Variants in EEPD1 observed in about 807,000 individuals in gnomAD.
EEPD1 encodes the protein endonuclease/exonuclease/phosphatase family domain-containing protein 1.
In EEPD1, 17 loss-of-function variants were observed where a neutral mutation model predicts 46.3. The ratio of observed to expected loss-of-function variants is 0.37; its 90% confidence interval spans 0.25 to 0.55. The LOEUF is 0.55. Ranked by LOEUF, EEPD1 falls within the 20% of genes least tolerant of loss-of-function variation. EEPD1 has a pLI of 0.83. For synonymous variants in EEPD1, 313 were observed against 315.6 expected (o/e 0.99, Z 0.09); for missense variants, 673 against 745.6 (o/e 0.90, Z 1.13).
chr7:36,287,665 T>A lies in EEPD1; in HGVS notation c.1203T>A (p.Val401=). The change falls in exon 6 of 8, where the codon GTT becomes GTA. Residue 401 remains valine (V), a synonymous_variant. Coordinates refer to ENST00000242108, the MANE Select transcript of EEPD1 (RefSeq NM_030636.3). Reference sequence around the variant, plus strand: ...TGGGAAGTCACGACCTGACCCTTGTTAACCTTCACCTGGCAGCCCTGACCC... The same window carrying A: ...TGGGAAGTCACGACCTGACCCTTGTAAACCTTCACCTGGCAGCCCTGACCC... ...FKVGSHDLTL[V]NLHLAALTLL... 6.2e-7 allele frequency: 1 copy of A among 1,614,114 alleles called. No homozygotes were observed. Among genetic ancestry groups the A allele is most frequent in the Non-Finnish European group, 8.5e-7 (1 of 1,179,982 alleles).
At chr7:36,183,984 A>C (rs1298644832) in intron 2 of EEPD1, among the ~76,000 whole-genome samples, 5 of 151,952 alleles carry the variant, frequency 3.3e-5, no homozygotes, top group African/African-American at 9.7e-5. Context: ...AAAGGAGCAA[A>C]CTTTGTATCT....
intron 2 of EEPD1, among the ~76,000 whole-genome samples, chr7:36,237,758 C>A (rs1018508460): frequency 1.3e-5 from 2 of 152,110 alleles, no homozygotes; most frequent in Non-Finnish European, 2.9e-5. Flanking sequence ...CAAGACCCGC[C>A]TGGCCAACAT....
intron 2 of EEPD1, among the ~76,000 whole-genome samples, chr7:36,191,054 T>C (rs1332907413): frequency 6.6e-6 from 1 of 152,250 alleles, no homozygotes; most frequent in Non-Finnish European, 1.5e-5. Flanking sequence ...GAACTTTTAT[T>C]TGCTCATTTG....
chr7:36,239,230 A>T (rs1044561492), intron 3 of EEPD1, among the ~76,000 whole-genome samples, 194 bp downstream of exon 3: 1 of 151,838 alleles, frequency 6.6e-6, no homozygotes, highest in Non-Finnish European at 1.5e-5. Flanking sequence ...ACACCTACAA[A>T]CTCGGCTGTA....
intron 2 of EEPD1, among the ~76,000 whole-genome samples, chr7:36,162,241 C>T (rs1038124691): frequency 6.6e-6 from 1 of 152,230 alleles, no homozygotes; most frequent in Non-Finnish European, 1.5e-5. Context: ...TGATTGACAG[C>T]AGCCAAATTG....
intron 3 of EEPD1, among the ~76,000 whole-genome samples, chr7:36,243,894 T>G: frequency 2.3e-5 from 3 of 129,580 alleles, no homozygotes; most frequent in Non-Finnish European, 3.3e-5. Flanking sequence ...CTGGGGACTG[T>G]TGTGGGGTAG....
At chr7:36,237,298 C>G (rs1378179631) in intron 2 of EEPD1, among the ~76,000 whole-genome samples, 1 of 152,214 alleles carries the variant, frequency 6.6e-6, no homozygotes, top group African/African-American at 2.4e-5. Flanking sequence ...TTCTTGAAGT[C>G]AGCAAGACCA....
chr7:36,215,234 G>T (rs143923969), intron 2 of EEPD1, among the ~76,000 whole-genome samples: 1 of 152,168 alleles, frequency 6.6e-6, no homozygotes, highest in Non-Finnish European at 1.5e-5. Flanking sequence ...TCTGCACCCC[G>T]CAGCGCTGCA....
intron 3 of EEPD1, among the ~76,000 whole-genome samples, chr7:36,249,336 C>A (rs951016060): frequency 1.2e-4 from 19 of 152,170 alleles, no homozygotes; most frequent in African/African-American, 4.6e-4. Flanking sequence ...TGGTGCTGGC[C>A]TTTTCCAAGT....
chr7:36,166,216 T>C (rs1013889278), intron 2 of EEPD1, among the ~76,000 whole-genome samples: 1 of 152,234 alleles, frequency 6.6e-6, no homozygotes, highest in African/African-American at 2.4e-5. Context: ...GCAAGACTGT[T>C]TGGAGTTGAT....
intron 3 of EEPD1, among the ~76,000 whole-genome samples, chr7:36,248,732 C>T (rs1342153794): frequency 1.3e-5 from 2 of 151,764 alleles, no homozygotes; most frequent in African/African-American, 4.8e-5. Context: ...CATGAGTAAA[C>T]TCATTGTAAT....
intron 2 of EEPD1, among the ~76,000 whole-genome samples, chr7:36,177,855 G>A (rs528253865): frequency 3.9e-5 from 6 of 152,098 alleles, no homozygotes; most frequent in Non-Finnish European, 5.9e-5. Flanking sequence ...CTAGGATTAC[G>A]GGTGCGCACC....
chr7:36,227,453 C>T (rs571189160), intron 2 of EEPD1, among the ~76,000 whole-genome samples: 3 of 152,312 alleles, frequency 2.0e-5, no homozygotes, highest in East Asian at 3.9e-4. Flanking sequence ...AAAGCAGCTC[C>T]TTCTCCAGAG....
chr7:36,279,089 C>T (rs196585), intron 3 of EEPD1, among the ~76,000 whole-genome samples: 18,766 of 79,006 alleles, frequency 0.24, 1,591 homozygotes, highest in Non-Finnish European at 0.34. Context: ...CCCACCACCC[C>T]GACTCCCCCG....
At chr7:36,240,641 T>C (rs1294669699) in intron 3 of EEPD1, among the ~76,000 whole-genome samples, 2 of 152,264 alleles carry the variant, frequency 1.3e-5, no homozygotes, top group East Asian at 1.9e-4. Context: ...TGGATGTGGA[T>C]AGTAAATGAG....
intron 6 of EEPD1, among the ~76,000 whole-genome samples, chr7:36,295,532 G>A (rs1030697619): frequency 6.6e-6 from 1 of 151,618 alleles, no homozygotes; most frequent in African/African-American, 2.4e-5. Context: ...CCTAAAGGAG[G>A]GGGAGCACAA....
chr7:36,173,278 G>C (rs1383654265), intron 2 of EEPD1, among the ~76,000 whole-genome samples: 1 of 147,614 alleles, frequency 6.8e-6, no homozygotes, highest in Non-Finnish European at 1.5e-5. Context: ...CACGAGGTCA[G>C]GAGATTGAGA....
At chr7:36,280,174 G>A (rs1787238032) in intron 3 of EEPD1, among the ~76,000 whole-genome samples, 1 of 152,170 alleles carries the variant, frequency 6.6e-6, no homozygotes, top group Non-Finnish European at 1.5e-5. Context: ...CCTCCAGGTG[G>A]AGATGCTAAG....
intron 2 of EEPD1, among the ~76,000 whole-genome samples, chr7:36,180,764 G>A (rs986673686): frequency 6.6e-6 from 1 of 152,108 alleles, no homozygotes; most frequent in African/African-American, 2.4e-5. Context: ...CTCCTTCCCT[G>A]CTCTGTGCCC....
Sources: gnomAD v4.1 joint callset for allele counts (sites outside exome capture counted in the v4.1 genomes callset) on GRCh38, gnomAD v4.1.1 for gene constraint, MANE v1.5 for transcripts, NCBI Gene and HGNC (gene_info 2026-07-23, HGNC 2026-07-21) for gene names.